FOXA3: variants seen among roughly 807,000 people sequenced by gnomAD.
FOXA3 encodes hepatocyte nuclear factor 3-gamma.
FOXA3 carries 11 observed loss-of-function variants against 16.9 expected under a neutral mutation model. The ratio of observed to expected loss-of-function variants is 0.65; its 90% CI spans 0.41 to 1.08. FOXA3 has a LOEUF of 1.08. FOXA3 is among the 50% of genes least tolerant of loss of function. The probability of loss-of-function intolerance (pLI) is 0.00; values close to 1 mark genes in which losing one functional copy is unlikely to be tolerated. For missense variants in FOXA3, 423 were observed against 470.1 expected (o/e 0.90, Z 0.93); for synonymous variants, 217 against 203.3 (o/e 1.07, Z -0.57).
Position 45,872,807 on chromosome 19 carries a change from G to A in FOXA3, c.802G>A (p.Val268Met), listed in dbSNP as rs1402715975. 8 of 1,612,236 alleles carry A rather than the reference G, an allele frequency of 5.0e-6. No individual in the cohort carries two copies. The highest frequency in any genetic ancestry group is 6.8e-6 in the Non-Finnish European group (8 of 1,179,992). Residue 268 changes from valine to methionine, a missense_variant, in exon 2 of 2, where the codon GTG becomes ATG. Physicochemically the swap from Val to Met is conservative, Grantham distance 21. Transcript: ENST00000302177. The surrounding 1 kb of genome is among the most constrained non-coding windows in gnomAD (Gnocchi z 4.5). ...PEPEAQGGED[V>M]GALDCGSPAS... The stretch of plus-strand genomic sequence containing the variant: ...GCCTGAGGCCCAGGGCGGGGAAGAT[G>A]TGGGGGCTCTGGACTGTGGCTCACC...
chr19:45,865,279 C>T (rs995520048), intron 1 of FOXA3, among the ~76,000 whole-genome samples: 1 of 152,090 alleles, frequency 6.6e-6, no homozygotes, highest in Non-Finnish European at 1.5e-5. Flanking sequence ...TGTGCACCTT[C>T]CCCTGCTCCC....
At chr19:45,870,796 T>C (rs1966897328) in intron 1 of FOXA3, among the ~76,000 whole-genome samples, 1 of 152,172 alleles carries the variant, frequency 6.6e-6, no homozygotes, top group African/African-American at 2.4e-5. Context: ...CTTGAACTTC[T>C]GACCTCAAGT....
Position 45,872,194 on chromosome 19 carries a change from ACCCCTGGCACCCCCAGCACCTGCAGCC to A in FOXA3, c.197_223del (p.Ala66_Leu74del). 1 of 1,595,490 alleles carries A rather than the reference ACCCCTGGCACCCCCAGCACCTGCAGCC, an allele frequency of 6.3e-7. No individual in the cohort carries two copies. Among genetic ancestry groups the A allele is most frequent in the Non-Finnish European group, 8.6e-7 (1 of 1,169,398 alleles). On this transcript the variant is annotated inframe_deletion, in exon 2 of 2. Coordinates refer to ENST00000302177, the MANE Select transcript of FOXA3 (RefSeq NM_004497.3). This position sits in a 1 kb window ranked among gnomAD's most constrained non-coding sequence, Gnocchi z 4.5. ...TCCCTGCCTCCCCACTGCCCTCAGG[ACCCCTGGCACCCCCAGCACCTGCAGCC>A]CCCCTGGGGCCCACTTTCCCAGGCC...
At chr19:45,865,941 C>CA (rs1416081085) in intron 1 of FOXA3, among the ~76,000 whole-genome samples, 1 of 152,144 alleles carries the variant, frequency 6.6e-6, no homozygotes, top group Non-Finnish European at 1.5e-5. Context: ...CTGCAGAACT[C>CA]AGTCTGGGGA....
At chr19:45,866,110 T>C (rs1249423782) in intron 1 of FOXA3, among the ~76,000 whole-genome samples, 1 of 151,922 alleles carries the variant, frequency 6.6e-6, no homozygotes, top group East Asian at 1.9e-4. Context: ...TGTATGGAAA[T>C]TGTGTCAGAA....
Position 45,872,278 on chromosome 19 carries a change from G to A in FOXA3, c.273G>A (p.Gly91=). The change falls in exon 2 of 2, where the codon GGG becomes GGA. Residue 91 remains glycine (G), a synonymous_variant. Coordinates refer to ENST00000302177, the MANE Select transcript of FOXA3 (RefSeq NM_004497.3). This position sits in a 1 kb window ranked among gnomAD's most constrained non-coding sequence, Gnocchi z 4.5. Reference sequence around the variant, plus strand: ...TCAGCGGTGGCAGCAGCAGCTCCGGGTACGGGGCCCCGGGTCCTGGGCTGG... The same window carrying A: ...TCAGCGGTGGCAGCAGCAGCTCCGGATACGGGGCCCCGGGTCCTGGGCTGG... ...LGVSGGSSSS[G]YGAPGPGLVH... The A allele has an allele frequency of 1.9e-6, 3 of 1,612,844 alleles. No individual in the cohort carries two copies. The highest frequency in any genetic ancestry group is 2.5e-6 in the Non-Finnish European group (3 of 1,179,058).
chr19:45,868,097 G>A (rs1460576638), intron 1 of FOXA3, among the ~76,000 whole-genome samples: 3 of 151,958 alleles, frequency 2.0e-5, no homozygotes, highest in Non-Finnish European at 4.4e-5. Flanking sequence ...GTAACACAAC[G>A]GCAAAAATAG....
chr19:45,871,985 A>G, intron 1 of FOXA3, 90 bp from the exon 2 acceptor site: 1 of 1,305,404 alleles, frequency 7.7e-7, no homozygotes, highest in Non-Finnish European at 1.1e-6. Flanking sequence ...GGCAAGATGG[A>G]CAGACAGACG....
chr19:45,872,440 G>A lies in FOXA3; in HGVS notation c.435G>A (p.Gln145=), dbSNP rs1392261840. 1.1e-5 allele frequency: 17 copies of A among 1,614,110 alleles called. No individual in the cohort carries two copies. Among genetic ancestry groups the A allele is most frequent in the Non-Finnish European group, 1.4e-5 (17 of 1,180,046 alleles). ...GKMLTLSEIY[Q]WIMDLFPYYR... is the part of the protein sequence containing the mutation. ...TGCTGACCTTGAGTGAAATCTACCA[G>A]TGGATCATGGACCTCTTCCCTTACT... is the stretch of plus-strand genomic sequence containing the variant. Residue 145 remains glutamine, a synonymous_variant, in exon 2 of 2, where the codon CAG becomes CAA. Coordinates refer to ENST00000302177, the MANE Select transcript of FOXA3 (RefSeq NM_004497.3). This position sits in a 1 kb window ranked among gnomAD's most constrained non-coding sequence, Gnocchi z 4.5.
chr19:45,872,202 C>A lies in FOXA3; in HGVS notation c.197C>A (p.Ala66Glu), dbSNP rs369922937. Residue 66 changes from alanine (A) to glutamate (E), a missense_variant, in exon 2 of 2, where the codon GCA (alanine) becomes GAA (glutamate). Physicochemically the swap from Ala to Glu is moderately radical, Grantham distance 107. Around this residue, in one of 3 missense-constraint regions of FOXA3, gnomAD observed 170 missense variants for 153.9 expected, o/e 1.10. Transcript: ENST00000302177. The surrounding 1 kb of genome is among the most constrained non-coding windows in gnomAD (Gnocchi z 4.5). ...TCCCCACTGCCCTCAGGACCCCTGG[C>A]ACCCCCAGCACCTGCAGCCCCCCTG... ...PASPLPSGPLAPPAPAAPLGP... is the reference protein window; with the variant it reads ...PASPLPSGPLEPPAPAAPLGP... The A allele has an allele frequency of 5.6e-6, 9 of 1,596,950 alleles. No individual in the cohort carries two copies. The highest frequency in any genetic ancestry group is 7.7e-6 in the Non-Finnish European group (9 of 1,170,228).
Position 45,864,413 on chromosome 19 carries a change from C to T in FOXA3, c.-44C>T. 7.3e-7 allele frequency: 1 copy of T among 1,365,850 alleles called. No individual in the cohort carries two copies. Among genetic ancestry groups the T allele is most frequent in the Non-Finnish European group, 9.6e-7 (1 of 1,045,672 alleles). 84.6% of individuals were successfully genotyped at this position (1,365,850 alleles called of 1,614,324 possible). ...CTGAGAGATCCAGAGCGCTCCGTTC[C>T]CCCGGGGCCGGAGCGGGGGCGGGTG... On this transcript the variant is annotated 5_prime_UTR_variant, in exon 1 of 2. Transcript: ENST00000302177.
Position 45,872,016 on chromosome 19 carries a change from AT to A in FOXA3, c.70-58del. ...AGACGGACACTCAGTGGGTCCTGGGATCCTTTGCTGACCAGCAGAGTGGAGC... is the reference window on the plus strand; with the variant it reads ...AGACGGACACTCAGTGGGTCCTGGGACCTTTGCTGACCAGCAGAGTGGAGC... On this transcript the variant is annotated intron_variant, in intron 1 of 1. Coordinates refer to ENST00000302177, the MANE Select transcript of FOXA3 (RefSeq NM_004497.3). This position sits in a 1 kb window ranked among gnomAD's most constrained non-coding sequence, Gnocchi z 4.5. The A allele has an allele frequency of 6.5e-7, 1 of 1,548,672 alleles. No individual in the cohort carries two copies. The highest frequency in any genetic ancestry group is 1.1e-5 in the South Asian group (1 of 87,284).
At position 45,872,168 on chromosome 19, in the gene FOXA3, C is replaced by G. The variant is rs1380936900; in HGVS notation, c.163C>G (p.Leu55Val). ...PLSSPYPPGG[L>V]PASPLPSGPL... ...AAGCTCTCCCTATCCCCCTGGGGGG[C>G]TCCCTGCCTCCCCACTGCCCTCAGG... The change falls in exon 2 of 2, where the codon CTC becomes GTC. Residue 55 changes from leucine to valine, a missense_variant. Coordinates refer to ENST00000302177, the MANE Select transcript of FOXA3 (RefSeq NM_004497.3). The surrounding 1 kb of genome is among the most constrained non-coding windows in gnomAD (Gnocchi z 4.5). The G allele has an allele frequency of 1.9e-5, 30 of 1,586,924 alleles. No individual in the cohort carries two copies. The highest frequency in any genetic ancestry group is 2.2e-5 in the Non-Finnish European group (26 of 1,165,658).
At chr19:45,871,111 CCAAA>C (rs1476644328) in intron 1 of FOXA3, among the ~76,000 whole-genome samples, 2 of 151,994 alleles carry the variant, frequency 1.3e-5, no homozygotes, top group South Asian at 2.1e-4. Context: ...ATTTAGGAGT[CCAAA>C]CAGTTTCTGT....
rs1568634578 is a variant in FOXA3, at chr19:45,872,211, C to T, written c.206C>T (p.Ala69Val). ...CCCTCAGGACCCCTGGCACCCCCAG[C>T]ACCTGCAGCCCCCCTGGGGCCCACT... ...PLPSGPLAPPAPAAPLGPTFP... is the reference protein window; with the variant it reads ...PLPSGPLAPPVPAAPLGPTFP... The change falls in exon 2 of 2, where the codon GCA becomes GTA. Residue 69 changes from alanine (A) to valine (V), a missense_variant. Transcript: ENST00000302177. The surrounding 1 kb of genome is among the most constrained non-coding windows in gnomAD (Gnocchi z 4.5). 6.2e-7 allele frequency: 1 copy of T among 1,600,468 alleles called. No homozygotes were observed. Among genetic ancestry groups the T allele is most frequent in the African/African-American group, 1.3e-5 (1 of 74,704 alleles).
Position 45,864,378 on chromosome 19 carries a change from G to A in FOXA3, c.-79G>A. ...CGGGCGGGCGCCGGTGGGAGCTCGG[G>A]CCGTGCCCGCTGAGAGATCCAGAGC... is the stretch of plus-strand genomic sequence containing the variant. On this transcript the variant is annotated 5_prime_UTR_variant, in exon 1 of 2. Coordinates refer to ENST00000302177, the MANE Select transcript of FOXA3 (RefSeq NM_004497.3). 8.2e-7 allele frequency: 1 copy of A among 1,224,678 alleles called. No homozygotes were observed. Among genetic ancestry groups the A allele is most frequent in the Admixed American group, 3.9e-5 (1 of 25,532 alleles). The allele number at this position is 1,224,678 out of a possible 1,614,324, so 75.9% of individuals were successfully genotyped here.
chr19:45,869,797 T>A (rs948234834), intron 1 of FOXA3, among the ~76,000 whole-genome samples: 16 of 152,174 alleles, frequency 1.1e-4, no homozygotes, highest in African/African-American at 2.4e-4. Flanking sequence ...ATTTATTTTT[T>A]TTTTTTGAGA....
chr19:45,868,386 C>T (rs528860181), intron 1 of FOXA3, among the ~76,000 whole-genome samples: 30 of 152,098 alleles, frequency 2.0e-4, no homozygotes, highest in Admixed American at 1.6e-3. Context: ...TCGAGACTAG[C>T]CTGACCAACA....
At position 45,873,785 on chromosome 19, in the gene FOXA3, T is replaced by C. The variant is rs1966933626; in HGVS notation, c.*727T>C. On this transcript the variant is annotated 3_prime_UTR_variant, in exon 2 of 2. Coordinates refer to ENST00000302177, the MANE Select transcript of FOXA3 (RefSeq NM_004497.3). Reference sequence around the variant, plus strand: ...CTGTGTTTAATCATTAAAGGTACCGTGTCCGCCTCTTACTGAATGTCTCTT... The same window carrying C: ...CTGTGTTTAATCATTAAAGGTACCGCGTCCGCCTCTTACTGAATGTCTCTT... The C allele has an allele frequency of 6.5e-6, 1 of 152,698 alleles. No homozygotes were observed. Among genetic ancestry groups the C allele is most frequent in the African/African-American group, 2.4e-5 (1 of 41,466 alleles). The allele number at this position is 152,698 out of a possible 1,614,324, so 9.5% of individuals were successfully genotyped here. A position where few individuals can be genotyped will look rare whatever the true frequency, so the allele number is the denominator to read the frequency against.
Sources: allele counts gnomAD v4.1 joint callset (sites outside exome capture counted in the v4.1 genomes callset), GRCh38; gene constraint gnomAD v4.1.1; regional missense constraint gnomAD v4.1.1; non-coding constraint Gnocchi (gnomAD v3.1); transcripts MANE v1.5; gene names NCBI Gene and HGNC (gene_info 2026-07-23, HGNC 2026-07-21).